The following FBXW7 variants were observed in gnomAD, a reference collection of about 807,000 sequenced individuals.
FBXW7 encodes F-box/WD repeat-containing protein 7.
A neutral mutation model predicts 86.3 loss-of-function variants in FBXW7; 11 were observed. The ratio of observed to expected loss-of-function variants is 0.13; its 90% confidence interval spans 0.08 to 0.21. The LOEUF is 0.21. FBXW7 is among the 10% of genes least tolerant of loss of function. The probability of loss-of-function intolerance (pLI) is 1.00; values close to 1 mark genes in which losing one functional copy is unlikely to be tolerated. For synonymous variants in FBXW7, 313 were observed against 297.9 expected (o/e 1.05, Z -0.52); for missense variants, 488 against 847.4 (o/e 0.58, Z 5.27).
chr4:152,392,919 G>C (rs1041516336), intron 4 of FBXW7, among the ~76,000 whole-genome samples: 17 of 152,062 alleles, frequency 1.1e-4, no homozygotes, highest in Admixed American at 2.6e-4. Context: ...AGTTACTTTG[G>C]CTTGAATTTA....
intron 2 of FBXW7, among the ~76,000 whole-genome samples, chr4:152,526,506 CTAA>C (rs1216364673): frequency 6.6e-6 from 1 of 152,044 alleles, no homozygotes; most frequent in Non-Finnish European, 1.5e-5. Context: ...AACCCACATA[CTAA>C]TAATTTCAGG....
chr4:152,443,880 G>C (rs928491864), intron 2 of FBXW7, among the ~76,000 whole-genome samples: 7 of 152,110 alleles, frequency 4.6e-5, no homozygotes, highest in African/African-American at 1.7e-4. Flanking sequence ...CTATTTCAAA[G>C]GTTGAGTCTA....
chr4:152,377,857 T>C (rs1468282213), intron 4 of FBXW7, among the ~76,000 whole-genome samples: 1 of 151,436 alleles, frequency 6.6e-6, no homozygotes, highest in African/African-American at 2.4e-5. Flanking sequence ...TAAAGGAAAG[T>C]AATGGCTTAA....
intron 2 of FBXW7, among the ~76,000 whole-genome samples, chr4:152,420,211 C>T (rs1738817846): frequency 6.6e-6 from 1 of 152,164 alleles, no homozygotes; most frequent in Non-Finnish European, 1.5e-5. Context: ...TCTCAAGAAA[C>T]AGCTTTCTTT....
intron 2 of FBXW7, among the ~76,000 whole-genome samples, chr4:152,501,914 C>T (rs1391570299): frequency 6.6e-6 from 1 of 152,016 alleles, no homozygotes; most frequent in Admixed American, 6.6e-5. Context: ...TCCTTTTATC[C>T]ATGAAAAATG....
At chr4:152,392,858 T>G (rs796338079) in intron 4 of FBXW7, among the ~76,000 whole-genome samples, 12 of 152,148 alleles carry the variant, frequency 7.9e-5, no homozygotes, top group African/African-American at 2.7e-4. Flanking sequence ...TGACACTCAA[T>G]GGAAATGAGG....
intron 10 of FBXW7, 33 bp downstream of exon 10, chr4:152,329,639 T>C (rs1230381285): frequency 8.7e-7 from 1 of 1,143,060 alleles, no homozygotes; most frequent in Non-Finnish European, 1.2e-6. Context: ...CACAAAATTA[T>C]GACTTTGTGA....
At chr4:152,348,194 C>T (rs72721603) in intron 5 of FBXW7, among the ~76,000 whole-genome samples, 1,443 of 138,656 alleles carry the variant, frequency 0.01, 19 homozygotes, top group Non-Finnish European at 0.016. Flanking sequence ...ATCTCAGTCA[C>T]CAGATTTTAC....
intron 2 of FBXW7, among the ~76,000 whole-genome samples, chr4:152,500,070 T>C (rs933612789): frequency 2.6e-5 from 4 of 152,154 alleles, no homozygotes; most frequent in Non-Finnish European, 5.9e-5. Context: ...CAAAAGCAAT[T>C]GAATTACTTT....
At chr4:152,458,366 A>G (rs980470055) in intron 2 of FBXW7, among the ~76,000 whole-genome samples, 5 of 152,244 alleles carry the variant, frequency 3.3e-5, no homozygotes, top group African/African-American at 9.6e-5. Flanking sequence ...AAAAGAAACT[A>G]TACTAGTGAT....
At chr4:152,470,306 G>A (rs961989210) in intron 2 of FBXW7, among the ~76,000 whole-genome samples, 15 of 152,036 alleles carry the variant, frequency 9.9e-5, no homozygotes, top group African/African-American at 2.9e-4. Flanking sequence ...TCAAGACCAC[G>A]GCATGCTAAC....
At chr4:152,480,400 C>T (rs1021206208) in intron 2 of FBXW7, among the ~76,000 whole-genome samples, 1 of 152,198 alleles carries the variant, frequency 6.6e-6, no homozygotes, top group Non-Finnish European at 1.5e-5. Context: ...CTCTCTCCCT[C>T]TCCTCAGACC....
At chr4:152,386,948 A>G (rs1021473177) in intron 4 of FBXW7, among the ~76,000 whole-genome samples, 1 of 152,300 alleles carries the variant, frequency 6.6e-6, no homozygotes, top group Admixed American at 6.5e-5. Flanking sequence ...ATACCATCAC[A>G]GCAATTTACT....
intron 9 of FBXW7, among the ~76,000 whole-genome samples, chr4:152,330,414 G>A (rs1348222535): frequency 6.6e-6 from 1 of 151,876 alleles, no homozygotes; most frequent in Admixed American, 6.6e-5. Flanking sequence ...TGGAGTATGT[G>A]ATCAGAGGAG....
At chr4:152,471,443 AAG>A (rs1455948860) in intron 2 of FBXW7, among the ~76,000 whole-genome samples, 3 of 107,156 alleles carry the variant, frequency 2.8e-5, no homozygotes, top group South Asian at 4.0e-4. Flanking sequence ...GAGGGAAGGA[AAG>A]AGAGAAGGAA....
intron 2 of FBXW7, among the ~76,000 whole-genome samples, chr4:152,433,093 T>G (rs1740061231): frequency 6.6e-6 from 1 of 152,238 alleles, no homozygotes; most frequent in African/African-American, 2.4e-5. Context: ...GTACTTTCTA[T>G]TGTATGAATA....
intron 2 of FBXW7, among the ~76,000 whole-genome samples, chr4:152,523,904 C>A (rs1020927151): frequency 6.6e-6 from 1 of 152,126 alleles, no homozygotes; most frequent in Non-Finnish European, 1.5e-5. Context: ...CAATTCCTGG[C>A]ATAGTAGGTG....
intron 6 of FBXW7, among the ~76,000 whole-genome samples, chr4:152,340,515 G>T (rs1383584308): frequency 2.7e-5 from 4 of 147,250 alleles, no homozygotes; most frequent in African/African-American, 1.0e-4. Flanking sequence ...GGAGGAGCTT[G>T]CAGTGAGCCG....
At chr4:152,449,401 C>T (rs1054134951) in intron 2 of FBXW7, among the ~76,000 whole-genome samples, 1 of 151,982 alleles carries the variant, frequency 6.6e-6, no homozygotes. Context: ...AATATACAAG[C>T]AAAAATTCCC....
Sources: allele counts gnomAD v4.1 joint callset (sites outside exome capture counted in the v4.1 genomes callset), GRCh38; gene constraint gnomAD v4.1.1; transcripts MANE v1.5; gene names NCBI Gene and HGNC (gene_info 2026-07-23, HGNC 2026-07-21).